Variants in SDR16C5 observed in about 807,000 individuals in gnomAD.
The protein encoded by SDR16C5 is short chain dehydrogenase/reductase family 16C member 5.
In SDR16C5, 20 loss-of-function variants were observed where a neutral mutation model predicts 27.7. The ratio of observed to expected loss-of-function variants is 0.72; its 90% confidence interval spans 0.51 to 1.05. The LOEUF is 1.05. Among genes scored for constraint, SDR16C5 ranks in the 50% least tolerant of loss-of-function variants. The pLI is 0.00. For synonymous variants in SDR16C5, 139 were observed against 132.3 expected (o/e 1.05, Z -0.35); for missense variants, 374 against 366.3 (o/e 1.02, Z -0.17).
At position 56,301,196 on chromosome 8, in the gene SDR16C5, ATGGCTTATCAC is replaced by A. The variant is rs1814744591; in HGVS notation, c.*273_*283del. 3.2e-6 allele frequency: 1 copy of A among 307,842 alleles called. No individual in the cohort carries two copies. The highest frequency in any genetic ancestry group is 2.2e-5 in the African/African-American group (1 of 46,208). 19.1% of individuals were successfully genotyped at this position (307,842 alleles called of 1,614,324 possible). A position where few individuals can be genotyped will look rare whatever the true frequency, so the allele number is the denominator to read the frequency against. On this transcript the variant is annotated 3_prime_UTR_variant, in exon 7 of 7. Transcript: ENST00000303749. ...CCAAAGCTCAGGGCAGCTCATGGCC[ATGGCTTATCAC>A]TTTCTTACATCTGTGGTAATGGAAA...
intron 6 of SDR16C5, among the ~76,000 whole-genome samples, chr8:56,302,014 G>A (rs975704244): frequency 3.9e-5 from 6 of 152,142 alleles, no homozygotes; most frequent in Non-Finnish European, 7.3e-5. Context: ...CCTTTCTGGC[G>A]CTACTGTGAG....
At chr8:56,312,777 G>A (rs1815081987) in intron 2 of SDR16C5, among the ~76,000 whole-genome samples, 1 of 134,868 alleles carries the variant, frequency 7.4e-6, no homozygotes, top group Admixed American at 7.3e-5. Flanking sequence ...CACACACCAA[G>A]TTTTTTTTTT....
chr8:56,303,944 A>T, intron 6 of SDR16C5: 1 of 702,652 alleles, frequency 1.4e-6, no homozygotes, highest in East Asian at 2.7e-5. Flanking sequence ...AGACCTGGAG[A>T]ATAAAGGGCA....
intron 6 of SDR16C5, among the ~76,000 whole-genome samples, 190 bp downstream of exon 6, chr8:56,305,407 C>A (rs1028268673): frequency 6.6e-6 from 1 of 152,104 alleles, no homozygotes; most frequent in African/African-American, 2.4e-5. Context: ...TGACTCATGG[C>A]GGGCACTGCA....
At position 56,309,027 on chromosome 8, in the gene SDR16C5, T is replaced by A; in HGVS notation, c.466A>T (p.Thr156Ser). The A allele has an allele frequency of 6.3e-7, 1 of 1,595,682 alleles. No homozygotes were observed. Among genetic ancestry groups the A allele is most frequent in the Non-Finnish European group, 8.5e-7 (1 of 1,171,310 alleles). Residue 156 changes from threonine (T) to serine (S), a missense_variant and splice_region_variant, in exon 4 of 7, where the codon ACT becomes TCT. Thr to Ser is a moderately conservative substitution (Grantham distance 58). Coordinates refer to ENST00000303749, the MANE Select transcript of SDR16C5 (RefSeq NM_138969.4). ...ATAGCAGGTAGAAAGGCTTTATAAGTCTAAGAATACAAAGGAAAACTTTTA... is the reference window on the plus strand; with the variant it reads ...ATAGCAGGTAGAAAGGCTTTATAAGACTAAGAATACAAAGGAAAACTTTTA... ...FDVNFKAHLW[T>S]YKAFLPAMIA... is the part of the protein sequence containing the mutation.
rs771165901 is a variant in SDR16C5 at position 56,316,096 on chromosome 8, A to T, written c.252T>A (p.Ala84=). Residue 84 remains alanine (A), a synonymous_variant, in exon 2 of 7, where the codon GCT becomes GCA. Transcript: ENST00000303749. The part of the protein sequence containing the change: ...KEGNEETCKM[A]REAGATRVHA... ...GCACTCTTGTGGCTCCAGCTTCCCG[A>T]GCCATCTTACATGTTTCCTCATTCC... The T allele has an allele frequency of 1.9e-6, 3 of 1,614,144 alleles. No individual in the cohort carries two copies. The Admixed American group carries it at 5.0e-5, about 27-fold the overall frequency.
chr8:56,308,958 C>A lies in SDR16C5; in HGVS notation c.535G>T (p.Ala179Ser), dbSNP rs145294931. ...AGCCCATTTACTCCACTTAATCCAG[C>A]TGAACTTGAAATGCAAACCAAATGT... ...HGHLVCISSSAGLSGVNGLAD... is the reference protein window; with the variant it reads ...HGHLVCISSSSGLSGVNGLAD... The change falls in exon 4 of 7, where the codon GCT (alanine) becomes TCT (serine). Residue 179 changes from alanine to serine, a missense_variant. Transcript: ENST00000303749. 3.1e-6 allele frequency: 5 copies of A among 1,612,960 alleles called. No individual in the cohort carries two copies. The African/African-American group carries it at 5.3e-5, about 17-fold the overall frequency.
At chr8:56,314,765 G>A (rs868558108) in intron 2 of SDR16C5, among the ~76,000 whole-genome samples, 10 of 152,188 alleles carry the variant, frequency 6.6e-5, no homozygotes, top group Admixed American at 5.2e-4. Context: ...ATCTGCCAGG[G>A]ACCTGCAAAC....
Position 56,301,440 on chromosome 8 carries a change from A to C in SDR16C5, c.*40T>G, listed in dbSNP as rs1814751593. 7.2e-7 allele frequency: 1 copy of C among 1,381,688 alleles called. No homozygotes were observed. Among genetic ancestry groups the C allele is most frequent in the Non-Finnish European group, 1.0e-6 (1 of 968,138 alleles). 85.6% of individuals were successfully genotyped at this position (1,381,688 alleles called of 1,614,324 possible). A position where few individuals can be genotyped will look rare whatever the true frequency, so the allele number is the denominator to read the frequency against. On this transcript the variant is annotated 3_prime_UTR_variant, in exon 7 of 7. Transcript: ENST00000303749. Reference sequence around the variant, plus strand: ...TTCTTCATTGAAGTACGCATTATGTAACACTGTGTATCAGATGACCTTAGC... The same window carrying C: ...TTCTTCATTGAAGTACGCATTATGTCACACTGTGTATCAGATGACCTTAGC...
chr8:56,303,297 G>A (rs2129256564), intron 6 of SDR16C5, among the ~76,000 whole-genome samples: 1 of 147,036 alleles, frequency 6.8e-6, no homozygotes, highest in Middle Eastern at 3.5e-3. Context: ...CCCGGGTGAT[G>A]AGCGAAACTC....
chr8:56,319,810 C>T (rs1815290025), intron 1 of SDR16C5, among the ~76,000 whole-genome samples: 1 of 152,164 alleles, frequency 6.6e-6, no homozygotes, highest in African/African-American at 2.4e-5. Flanking sequence ...GCAGCTCACC[C>T]CCGGGGGCGA....
At chr8:56,314,885 A>G (rs1465984474) in intron 2 of SDR16C5, among the ~76,000 whole-genome samples, 1 of 152,188 alleles carries the variant, frequency 6.6e-6, no homozygotes, top group African/African-American at 2.4e-5. Context: ...TAAGTTGGGC[A>G]ATTCTGGGAG....
chr8:56,310,547 G>A (rs2129259712), intron 3 of SDR16C5, among the ~76,000 whole-genome samples: 1 of 151,988 alleles, frequency 6.6e-6, no homozygotes, highest in South Asian at 2.1e-4. Flanking sequence ...GCAAAACCCT[G>A]TCTCTACTAA....
At position 56,316,319 on chromosome 8, in the gene SDR16C5, T is replaced by C; in HGVS notation, c.29A>G (p.Lys10Arg). ...TGATTTTCCTAAGAAAATGAACAGT[T>C]TCTTTGATGATTGCAGGTTGAAAGA... MSFNLQSSK[K>R]LFIFLGKSLF... The change falls in exon 2 of 7, where the codon AAA becomes AGA. Residue 10 changes from lysine to arginine, a missense_variant. Lys to Arg is a conservative substitution (Grantham distance 26). Coordinates refer to ENST00000303749, the MANE Select transcript of SDR16C5 (RefSeq NM_138969.4). 4 of 1,613,890 alleles carry C rather than the reference T, an allele frequency of 2.5e-6. No individual in the cohort carries two copies. The highest frequency in any genetic ancestry group is 2.5e-6 in the Non-Finnish European group (3 of 1,179,766).
rs1289232677 is a variant in SDR16C5 at position 56,301,543 on chromosome 8, T to C, written c.867A>G (p.Ile289Met). Residue 289 changes from isoleucine to methionine, a missense_variant, in exon 7 of 7, where the codon ATA (isoleucine) becomes ATG (methionine). Coordinates refer to ENST00000303749, the MANE Select transcript of SDR16C5 (RefSeq NM_138969.4). ...CATGAAGGATGCCCAAATAGTCAGC[T>C]ATAAGCAGTCCTGTCTTGAGGGGCA... is the stretch of plus-strand genomic sequence containing the variant. Reference protein sequence around the residue: ...SFLPLKTGLLIADYLGILHAM... With the variant: ...SFLPLKTGLLMADYLGILHAM... 3.1e-6 allele frequency: 5 copies of C among 1,614,196 alleles called. No homozygotes were observed. The East Asian group carries it at 1.1e-4, about 36-fold the overall frequency.
At chr8:56,317,761 G>A (rs763841318) in intron 1 of SDR16C5, among the ~76,000 whole-genome samples, 7 of 152,194 alleles carry the variant, frequency 4.6e-5, no homozygotes, top group Non-Finnish European at 1.0e-4. Context: ...ACTGAGGATC[G>A]AAGAGAAGAT....
chr8:56,314,085 T>C lies in SDR16C5; in HGVS notation c.334-1797A>G, dbSNP rs184937989. Among the ~76,000 whole-genome samples the C allele has an allele frequency of 9.2e-5, 14 of 152,242 alleles. No homozygotes were observed. In the East Asian group the frequency reaches 2.7e-3, roughly 29 times the overall value. On this transcript the variant is annotated intron_variant, in intron 2 of 6. Transcript: ENST00000303749. ...AGCTGGGCGTGGTAGCGTGCACCTG[T>C]AGTCCCAGCTACTTGGGAGGCTGAG...
intron 2 of SDR16C5, among the ~76,000 whole-genome samples, chr8:56,313,892 G>A (rs564239964): frequency 3.3e-5 from 5 of 152,156 alleles, no homozygotes; most frequent in African/African-American, 9.6e-5. Flanking sequence ...TTGATTGCTC[G>A]TCTAAGGGCT....
intron 3 of SDR16C5, 36 bp from the exon 4 acceptor site, chr8:56,309,063 C>A: frequency 1.4e-6 from 2 of 1,431,972 alleles, no homozygotes; most frequent in Non-Finnish European, 1.9e-6. Context: ...ATGTTTAATG[C>A]CACATTGTAT....
Sources: gnomAD v4.1 joint callset for allele counts (sites outside exome capture counted in the v4.1 genomes callset) on GRCh38, gnomAD v4.1.1 for gene constraint, MANE v1.5 for transcripts, NCBI Gene and HGNC (gene_info 2026-07-23, HGNC 2026-07-21) for gene names.